Variants in SCAPER observed in about 807,000 individuals in gnomAD.
The protein encoded by SCAPER is S-phase cyclin A associated protein in the ER.
SCAPER carries 98 observed loss-of-function variants against 182.2 expected under a neutral mutation model. The observed-to-expected ratio is 0.54, with a 90% CI of 0.46 to 0.64. The LOEUF is 0.64. Ranked by LOEUF, SCAPER falls within the 30% of genes least tolerant of loss-of-function variation. The pLI, the probability that SCAPER is intolerant of heterozygous loss-of-function variation, is 0.00. For missense variants in SCAPER, 1,432 were observed against 1,690.0 expected (o/e 0.85, Z 2.68); for synonymous variants, 605 against 564.6 (o/e 1.07, Z -1.01).
intron 23 of SCAPER, among the ~76,000 whole-genome samples, chr15:76,511,057 T>C (rs953440233): frequency 1.3e-5 from 2 of 152,044 alleles, no homozygotes; most frequent in African/African-American, 2.4e-5. Context: ...GCTATGAGGA[T>C]GCAAAGGCAT....
intron 15 of SCAPER, among the ~76,000 whole-genome samples, chr15:76,738,469 C>T (rs1181629791): frequency 6.6e-6 from 1 of 150,434 alleles, no homozygotes; most frequent in Non-Finnish European, 1.5e-5. Flanking sequence ...ACCCGGGAGG[C>T]GAAGCTTGCA....
At chr15:76,521,120 T>G (rs1333324794) in intron 23 of SCAPER, among the ~76,000 whole-genome samples, 1 of 152,126 alleles carries the variant, frequency 6.6e-6, no homozygotes, top group South Asian at 2.1e-4. Flanking sequence ...AATTCAGGAA[T>G]TTTAGATTAG....
intron 4 of SCAPER, among the ~76,000 whole-genome samples, chr15:76,844,395 C>T (rs1161493528): frequency 6.6e-6 from 1 of 151,782 alleles, no homozygotes; most frequent in African/African-American, 2.4e-5. Context: ...GGACTTATCC[C>T]CAAAAAAATG....
chr15:76,723,472 T>G (rs1567926421), intron 17 of SCAPER, among the ~76,000 whole-genome samples: 1 of 152,156 alleles, frequency 6.6e-6, no homozygotes, highest in South Asian at 2.1e-4. Context: ...CTGAGTTCAA[T>G]TCCTGGATAT....
intron 5 of SCAPER, among the ~76,000 whole-genome samples, chr15:76,835,997 T>A (rs1477438463): frequency 7.1e-6 from 1 of 140,214 alleles, no homozygotes; most frequent in Non-Finnish European, 1.5e-5. Flanking sequence ...ACCCCTACAA[T>A]GAGAATTACA....
At position 76,800,315 on chromosome 15, in the gene SCAPER, C is replaced by T; in HGVS notation, c.544G>A (p.Val182Met). The change falls in exon 7 of 32, where the codon GTG becomes ATG. Residue 182 changes from valine to methionine, a missense_variant. Physicochemically the swap from Val to Met is conservative, Grantham distance 21. This residue lies in a region of SCAPER where 480 missense variants were observed against 510.2 expected (regional missense o/e 0.94). Coordinates refer to ENST00000563290, the MANE Select transcript of SCAPER (RefSeq NM_020843.4). Reference protein sequence around the residue: ...EVKKMSPGRHVIPSPSTDRIN... With the variant: ...EVKKMSPGRHMIPSPSTDRIN... ...CTATCTGTTGATGGACTTGGAATCA[C>T]ATGGCGTCCCGGAGACATCTTCTTT... 2 of 1,613,580 alleles carry T rather than the reference C, an allele frequency of 1.2e-6. No homozygotes were observed. Among genetic ancestry groups the T allele is most frequent in the Non-Finnish European group, 1.7e-6 (2 of 1,179,714 alleles).
At chr15:76,715,791 C>A (rs1042970194) in intron 17 of SCAPER, among the ~76,000 whole-genome samples, 2 of 152,120 alleles carry the variant, frequency 1.3e-5, no homozygotes, top group Non-Finnish European at 2.9e-5. Flanking sequence ...ACCCTGCCCC[C>A]CAAGGTCAGA....
chr15:76,851,630 G>A (rs62029231), intron 4 of SCAPER, among the ~76,000 whole-genome samples: 10,191 of 152,218 alleles, frequency 0.067, 375 homozygotes, highest in Middle Eastern at 0.11. Context: ...TTTCAGATAA[G>A]CAAATGTTGA....
intron 17 of SCAPER, among the ~76,000 whole-genome samples, chr15:76,721,504 A>C (rs1487467153): frequency 1.3e-5 from 2 of 151,856 alleles, no homozygotes; most frequent in Non-Finnish European, 2.9e-5. Flanking sequence ...TGAATCTATA[A>C]ATTACCTTGG....
chr15:76,566,844 A>G (rs1251743101), intron 23 of SCAPER, among the ~76,000 whole-genome samples: 1 of 152,096 alleles, frequency 6.6e-6, no homozygotes, highest in African/African-American at 2.4e-5. Context: ...ATTATTAAAC[A>G]TAAACATACA....
intron 26 of SCAPER, among the ~76,000 whole-genome samples, chr15:76,415,083 G>A (rs1192373598): frequency 2.6e-5 from 4 of 152,036 alleles, no homozygotes; most frequent in African/African-American, 9.7e-5. Flanking sequence ...TAATGAAGAC[G>A]ACAAAAACAA....
Position 76,795,313 on chromosome 15 carries a change from G to C in SCAPER, c.739C>G (p.Pro247Ala). ...CGTGAGGCCTTCTGCACTGTCATTG[G>C]TGGGCAAGACTGGGCGGGTGTTATT... Reference protein sequence around the residue: ...SEITPAQSCPPMTVQKASRKN... With the variant: ...SEITPAQSCPAMTVQKASRKN... The change falls in exon 8 of 32, where the codon CCA becomes GCA. Residue 247 changes from proline (P) to alanine (A), a missense_variant. Coordinates refer to ENST00000563290, the MANE Select transcript of SCAPER (RefSeq NM_020843.4). 1 of 1,612,976 alleles carries C rather than the reference G, an allele frequency of 6.2e-7. No homozygotes were observed. The highest frequency in any genetic ancestry group is 8.5e-7 in the Non-Finnish European group (1 of 1,179,298).
intron 26 of SCAPER, among the ~76,000 whole-genome samples, chr15:76,426,860 T>C (rs541876228): frequency 1.3e-5 from 2 of 152,262 alleles, no homozygotes; most frequent in East Asian, 3.9e-4. Flanking sequence ...GGGTCTGGTA[T>C]AAAAACAGAT....
At chr15:76,711,947 T>A (rs1446291116) in intron 17 of SCAPER, among the ~76,000 whole-genome samples, 1 of 152,202 alleles carries the variant, frequency 6.6e-6, no homozygotes, top group Non-Finnish European at 1.5e-5. Flanking sequence ...TTTAATTAGA[T>A]CCCATTTGTC....
intron 8 of SCAPER, among the ~76,000 whole-genome samples, chr15:76,790,782 A>G (rs1243056913): frequency 6.6e-6 from 1 of 152,092 alleles, no homozygotes; most frequent in Non-Finnish European, 1.5e-5. Context: ...ATTTAAAAGA[A>G]CCACTTTTTG....
intron 27 of SCAPER, among the ~76,000 whole-genome samples, chr15:76,402,486 G>A (rs144562341): frequency 1.5e-3 from 235 of 152,136 alleles, no homozygotes; most frequent in African/African-American, 5.5e-3. Flanking sequence ...CCTTCCACTT[G>A]TCTTGGATTC....
intron 28 of SCAPER, among the ~76,000 whole-genome samples, chr15:76,376,740 G>C (rs934879192): frequency 6.6e-6 from 1 of 151,912 alleles, no homozygotes; most frequent in East Asian, 1.9e-4. Context: ...CTTGTACACA[G>C]AGTTAAACAT....
intron 17 of SCAPER, among the ~76,000 whole-genome samples, chr15:76,717,817 A>C (rs1436197090): frequency 1.3e-5 from 2 of 152,184 alleles, no homozygotes; most frequent in Admixed American, 1.3e-4. Context: ...ATGGACATGA[A>C]GGGAGAAATA....
rs1450379937 is a variant in SCAPER, at chr15:76,841,901, A to G, written c.226T>C (p.Ser76Pro). 2.5e-6 allele frequency: 4 copies of G among 1,613,908 alleles called. No individual in the cohort carries two copies. Among genetic ancestry groups the G allele is most frequent in the Non-Finnish European group, 3.4e-6 (4 of 1,179,856 alleles). The change falls in exon 5 of 32, where the codon TCT becomes CCT. Residue 76 changes from serine (S) to proline (P), a missense_variant. Coordinates refer to ENST00000563290, the MANE Select transcript of SCAPER (RefSeq NM_020843.4). Reference sequence around the variant, plus strand: ...TCAAAGTGTTTATCTCCAGTCGTAGACGATGTTATTTTACAGTCCACTGCA... The same window carrying G: ...TCAAAGTGTTTATCTCCAGTCGTAGGCGATGTTATTTTACAGTCCACTGCA... ...STAVDCKITS[S>P]TTGDKHFDKS...
Sources: allele counts gnomAD v4.1 joint callset (sites outside exome capture counted in the v4.1 genomes callset), GRCh38; gene constraint gnomAD v4.1.1; regional missense constraint gnomAD v4.1.1; transcripts MANE v1.5; gene names NCBI Gene and HGNC (gene_info 2026-07-23, HGNC 2026-07-21).